The following GAL3ST2 variants were observed in gnomAD, a reference collection of about 807,000 sequenced individuals.
GAL3ST2 encodes beta-galactose-3-O-sulfotransferase 2.
A neutral mutation model predicts 12.9 loss-of-function variants in GAL3ST2; 16 were observed. That is an observed-to-expected ratio of 1.24 (90% CI 0.84 to 1.88). GAL3ST2 has a LOEUF of 1.88. GAL3ST2 is among the 40% of genes most tolerant of loss of function. The pLI is 0.00. For synonymous variants in GAL3ST2, 302 were observed against 273.9 expected, an observed-to-expected ratio of 1.10 and a Z score of -1.01; for missense variants, 639 against 571.8, an observed-to-expected ratio of 1.12 and a Z score of -1.20.
chr2:241,792,902 T>C (rs1215248940), intron 1 of GAL3ST2, among the ~76,000 whole-genome samples: 6 of 152,320 alleles, frequency 3.9e-5, no homozygotes, highest in Middle Eastern at 6.8e-3. Flanking sequence ...CTGCCTCCTT[T>C]GGAGAGGCTC....
rs540408130 is a variant in GAL3ST2, at chr2:241,795,517, C to G, written c.30-3548C>G. Among the ~76,000 whole-genome samples the G allele has an allele frequency of 3.9e-5, 6 of 152,172 alleles. No homozygotes were observed. Among genetic ancestry groups the G allele is most frequent in the African/African-American group, 1.4e-4 (6 of 41,440 alleles). On this transcript the variant is annotated intron_variant, in intron 1 of 3. Transcript: ENST00000192314. The surrounding 1 kb of genome is among the most constrained non-coding windows in gnomAD (Gnocchi z 4.5). Reference sequence around the variant, plus strand: ...GAGGAAGGAGTTGACTATGGCGGAACGAAGTGATGGCCAAGGGTGGTGGCT... The same window carrying G: ...GAGGAAGGAGTTGACTATGGCGGAAGGAAGTGATGGCCAAGGGTGGTGGCT...
chr2:241,803,793 G>C lies in GAL3ST2; in HGVS notation c.824G>C (p.Trp275Ser), dbSNP rs1171427924. The change falls in exon 4 of 4, where the codon TGG becomes TCG. Residue 275 changes from tryptophan (W) to serine (S), a missense_variant. Trp to Ser is a radical substitution (Grantham distance 177). Transcript: ENST00000192314. ...GAGACCCGGGAGCGCGCGCGGAGCT[G>C]GTGCGCGCTGGACTGGCGCCTGTAC... The part of the protein sequence containing the change: ...SPETRERARS[W>S]CALDWRLYEH... 1 of 1,504,822 alleles carries C rather than the reference G, an allele frequency of 6.6e-7. No homozygotes were observed. The highest frequency in any genetic ancestry group is 1.5e-5 in the African/African-American group (1 of 68,330). The allele number at this position is 1,504,822 out of a possible 1,614,324, so 93.2% of individuals were successfully genotyped here.
Position 241,793,577 on chromosome 2 carries a change from ATGTG to A in GAL3ST2, c.30-5486_30-5483del, listed in dbSNP as rs376290278. Among the ~76,000 whole-genome samples, 4 of 151,220 alleles carry A rather than the reference ATGTG, an allele frequency of 2.6e-5. No homozygotes were observed. The highest frequency in any genetic ancestry group is 2.1e-4 in the South Asian group (1 of 4,750). On this transcript the variant is annotated intron_variant, in intron 1 of 3. Transcript: ENST00000192314. The surrounding 1 kb of genome is among the most constrained non-coding windows in gnomAD (Gnocchi z 4.7). Reference sequence around the variant, plus strand: ...TATGTATGTGTATATGTGTGCGTATATGTGTATGTATGTATATGTGTATATGTGT... The same window carrying A: ...TATGTATGTGTATATGTGTGCGTATATATGTATGTATATGTGTATATGTGT...
rs141425296 is a variant in GAL3ST2, at chr2:241,793,234, TAA to T, written c.30-5830_30-5829del. ...TCCCAAATCTGAGACAGGTCTCAGT[TAA>T]TTTAGAAAGTTTATTTTGCCATAAA... On this transcript the variant is annotated intron_variant, in intron 1 of 3. Coordinates refer to ENST00000192314, the MANE Select transcript of GAL3ST2 (RefSeq NM_022134.3). The surrounding 1 kb of genome is among the most constrained non-coding windows in gnomAD (Gnocchi z 4.7). 3.7e-4 allele frequency among the ~76,000 whole-genome samples: 56 copies of T among 152,338 alleles called. 1 individual carries two copies. The East Asian group carries it at 0.01, about 28-fold the overall frequency.
At chr2:241,788,372 G>T (rs933993975) in intron 1 of GAL3ST2, among the ~76,000 whole-genome samples, 7 of 152,292 alleles carry the variant, frequency 4.6e-5, no homozygotes, top group African/African-American at 1.4e-4. Flanking sequence ...TTTACAGGAA[G>T]TGGTCTTGGC....
At chr2:241,798,334 CAT>C (rs1475793321) in intron 1 of GAL3ST2, among the ~76,000 whole-genome samples, 3 of 152,244 alleles carry the variant, frequency 2.0e-5, no homozygotes, top group Non-Finnish European at 4.4e-5. Flanking sequence ...CAGCAGCAGA[CAT>C]GTGCTTCTCA....
rs947118265 is a variant in GAL3ST2, at chr2:241,802,605, C to T, written c.375+569C>T. Among the ~76,000 whole-genome samples the T allele has an allele frequency of 1.5e-5, 1 of 65,142 alleles. No individual in the cohort carries two copies. Among genetic ancestry groups the T allele is most frequent in the African/African-American group, 5.9e-5 (1 of 16,942 alleles). The allele number at this position is 65,142 out of a possible 152,430, so 42.7% of individuals were successfully genotyped here. On this transcript the variant is annotated intron_variant, in intron 3 of 3. Coordinates refer to ENST00000192314, the MANE Select transcript of GAL3ST2 (RefSeq NM_022134.3). The surrounding 1 kb of genome is among the most constrained non-coding windows in gnomAD (Gnocchi z 4.8). The stretch of plus-strand genomic sequence containing the variant: ...AGGTGATGGGCAGAGAGCGGGGCAG[C>T]GGGGGTGTGCTGTGGGGTGGGGGCT...
intron 1 of GAL3ST2, among the ~76,000 whole-genome samples, chr2:241,792,504 A>G (rs187872302): frequency 7.2e-5 from 11 of 152,266 alleles, no homozygotes; most frequent in Admixed American, 5.2e-4. Flanking sequence ...TATGTGGCCT[A>G]TATCGATTTT....
At position 241,800,347 on chromosome 2, in the gene GAL3ST2, G is replaced by A. The variant is rs73106178; in HGVS notation, c.119+1193G>A. On this transcript the variant is annotated intron_variant, in intron 2 of 3. Transcript: ENST00000192314. The surrounding 1 kb of genome is among the most constrained non-coding windows in gnomAD (Gnocchi z 5.2). ...GGAGCACAGCCGCCGACCCAGGCTG[G>A]GAGCGGGCACTTCGAGGGAGGGGGT... 6.6e-6 allele frequency among the ~76,000 whole-genome samples: 1 copy of A among 150,400 alleles called. No homozygotes were observed. Among genetic ancestry groups the A allele is most frequent in the Non-Finnish European group, 1.5e-5 (1 of 67,798 alleles).
intron 1 of GAL3ST2, among the ~76,000 whole-genome samples, chr2:241,788,798 T>G (rs1559414188): frequency 6.6e-6 from 1 of 152,118 alleles, no homozygotes; most frequent in Non-Finnish European, 1.5e-5. Context: ...CATAGACCTC[T>G]GGAGAGAGAA....
chr2:241,777,269 G>A (rs1378210191), intron 1 of GAL3ST2, among the ~76,000 whole-genome samples: 2 of 152,214 alleles, frequency 1.3e-5, no homozygotes, highest in African/African-American at 4.8e-5. Context: ...ACGCTCGAGT[G>A]TCCGCGTGAC....
At chr2:241,789,711 G>A (rs1181552838) in intron 1 of GAL3ST2, among the ~76,000 whole-genome samples, 7 of 152,098 alleles carry the variant, frequency 4.6e-5, no homozygotes, top group South Asian at 2.1e-4. Flanking sequence ...GTGAAGCCCC[G>A]TCCCGGGGCA....
chr2:241,799,868 AG>A (rs1401163757), intron 2 of GAL3ST2, among the ~76,000 whole-genome samples: 1 of 152,166 alleles, frequency 6.6e-6, no homozygotes, highest in Non-Finnish European at 1.5e-5. Flanking sequence ...GTTCTGGGGC[AG>A]GGAGGGCGCC....
intron 1 of GAL3ST2, among the ~76,000 whole-genome samples, chr2:241,784,610 G>C (rs1373752061): frequency 6.6e-6 from 1 of 152,078 alleles, no homozygotes; most frequent in Non-Finnish European, 1.5e-5. Flanking sequence ...TTTTTCTTTA[G>C]TATCTAAGTA....
At position 241,804,099 on chromosome 2, in the gene GAL3ST2, T is replaced by A; in HGVS notation, c.1130T>A (p.Met377Lys). The change falls in exon 4 of 4, where the codon ATG (methionine) becomes AAG (lysine). Residue 377 changes from methionine (M) to lysine (K), a missense_variant. Met to Lys is a moderately conservative substitution (Grantham distance 95, BLOSUM62 -1). Coordinates refer to ENST00000192314, the MANE Select transcript of GAL3ST2 (RefSeq NM_022134.3). The part of the protein sequence containing the change: ...QRLVMPELQY[M>K]ARLYALQFPE... ...CTTGTGATGCCTGAGCTCCAGTACA[T>A]GGCCCGCCTGTACGCCCTGCAGTTC... The A allele has an allele frequency of 6.6e-7, 1 of 1,524,444 alleles. No individual in the cohort carries two copies. Among genetic ancestry groups the A allele is most frequent in the South Asian group, 1.2e-5 (1 of 80,596 alleles). The allele number at this position is 1,524,444 out of a possible 1,614,324, so 94.4% of individuals were successfully genotyped here.
intron 1 of GAL3ST2, 114 bp from the exon 2 acceptor site, chr2:241,798,951 T>G: frequency 2.5e-6 from 2 of 795,990 alleles, no homozygotes; most frequent in Non-Finnish European, 4.3e-6. Context: ...GTTACAGAGG[T>G]GAGGGGAGGC....
chr2:241,785,418 T>G (rs1699616874), intron 1 of GAL3ST2, among the ~76,000 whole-genome samples: 1 of 152,034 alleles, frequency 6.6e-6, no homozygotes, highest in Admixed American at 6.6e-5. Flanking sequence ...CCAGGCGTGG[T>G]GGTGGGCACC....
rs918254981 is a variant in GAL3ST2 at position 241,798,207 on chromosome 2, G to A, written c.30-858G>A. On this transcript the variant is annotated intron_variant, in intron 1 of 3. Coordinates refer to ENST00000192314, the MANE Select transcript of GAL3ST2 (RefSeq NM_022134.3). ...GCTATGCTAGGCTCCTGGGACCCAG[G>A]CCAGGCCTCCTCAGGCCTCCTCATG... is the stretch of plus-strand genomic sequence containing the variant. 2.0e-5 allele frequency among the ~76,000 whole-genome samples: 3 copies of A among 152,308 alleles called. No homozygotes were observed. The South Asian group carries it at 6.2e-4, about 32-fold the overall frequency.
rs1699872593 is a variant in GAL3ST2, at chr2:241,802,946, GC to G, written c.376-394del. 1.3e-5 allele frequency among the ~76,000 whole-genome samples: 2 copies of G among 151,650 alleles called. No homozygotes were observed. Among genetic ancestry groups the G allele is most frequent in the African/African-American group, 4.8e-5 (2 of 41,256 alleles). Reference sequence around the variant, plus strand: ...TGTGGGCAGCTGGTGGAGTGCTGAAGCCCCCTGTGCCAGGGGCCCGTGGAGG... The same window carrying G: ...TGTGGGCAGCTGGTGGAGTGCTGAAGCCCCTGTGCCAGGGGCCCGTGGAGG... On this transcript the variant is annotated intron_variant, in intron 3 of 3. Coordinates refer to ENST00000192314, the MANE Select transcript of GAL3ST2 (RefSeq NM_022134.3). The surrounding 1 kb of genome is among the most constrained non-coding windows in gnomAD (Gnocchi z 4.8).
Sources: allele counts gnomAD v4.1 joint callset (sites outside exome capture counted in the v4.1 genomes callset), GRCh38; gene constraint gnomAD v4.1.1; non-coding constraint Gnocchi (gnomAD v3.1); transcripts MANE v1.5; gene names NCBI Gene and HGNC (gene_info 2026-07-23, HGNC 2026-07-21).